GLOD4: variants seen among roughly 807,000 people sequenced by gnomAD.
The protein encoded by GLOD4 is glyoxalase domain containing 4.
In GLOD4, 44 loss-of-function variants were observed where a neutral mutation model predicts 39.1. The ratio of observed to expected loss-of-function variants is 1.13; its 90% CI spans 0.88 to 1.45. The LOEUF (loss-of-function observed/expected upper bound fraction) is 1.45, where lower values mean the gene tolerates loss of function less well. GLOD4 is among the 40% of genes most tolerant of loss of function. The pLI, the probability that GLOD4 is intolerant of heterozygous loss-of-function variation, is 0.00. For synonymous variants in GLOD4, 145 were observed against 135.0 expected, an observed-to-expected ratio of 1.07 and a Z score of -0.52; for missense variants, 405 against 366.4, an observed-to-expected ratio of 1.11 and a Z score of -0.86.
intron 8 of GLOD4, among the ~76,000 whole-genome samples, chr17:761,274 G>C (rs373371056): frequency 3.3e-5 from 5 of 152,172 alleles, no homozygotes; most frequent in African/African-American, 1.2e-4. Flanking sequence ...TTATTATTTA[G>C]AAACAGTGAA....
At chr17:768,444 A>G (rs4968111) in intron 8 of GLOD4, among the ~76,000 whole-genome samples, 16,511 of 110,570 alleles carry the variant, frequency 0.15, no homozygotes, top group Non-Finnish European at 0.2. Flanking sequence ...GAGAGGACAT[A>G]AGAGGGAGAA....
At position 762,559 on chromosome 17, in the gene GLOD4, C is replaced by T. The variant is rs555047032; in HGVS notation, c.832-2321G>A. Reference sequence around the variant, plus strand: ...ATTTCATCACCATCCAGGCCCCGGCCGGCACCTACTCAGTGCGTGATCTTC... The same window carrying T: ...ATTTCATCACCATCCAGGCCCCGGCTGGCACCTACTCAGTGCGTGATCTTC... On this transcript the variant is annotated intron_variant, in intron 8 of 8. Transcript: ENST00000301329. Among the ~76,000 whole-genome samples, 4 of 146,256 alleles carry T rather than the reference C, an allele frequency of 2.7e-5. No individual in the cohort carries two copies. The South Asian group carries it at 6.7e-4, about 25-fold the overall frequency.
At chr17:775,245 G>A (rs1014809574) in intron 4 of GLOD4, among the ~76,000 whole-genome samples, 19 of 151,650 alleles carry the variant, frequency 1.3e-4, no homozygotes, top group Non-Finnish European at 1.9e-4. Flanking sequence ...CACTCCAGCC[G>A]GACTGACAGA....
chr17:774,524 A>G (rs1225560091), intron 4 of GLOD4, among the ~76,000 whole-genome samples: 1 of 152,238 alleles, frequency 6.6e-6, no homozygotes, highest in East Asian at 1.9e-4. Flanking sequence ...CAACAAAACA[A>G]ACCCTGCAAA....
chr17:775,777 G>C lies in GLOD4; in HGVS notation c.404C>G (p.Ser135Ter). Residue 135 changes from serine (S) to a stop codon, truncating the protein, a stop_gained and splice_region_variant, in exon 4 of 9, where the codon TCA (serine) becomes TGA (stop). Transcript: ENST00000301329. LOFTEE classifies it high-confidence loss of function. ...TTTACTGGTTCTGGTATAATTACCT[G>C]ACTGAGGCAGACTGCGATTCTGCAA... ...FYLQNRSLPQ[S>*]DPVLKVTLAV... 6.2e-7 allele frequency: 1 copy of C among 1,613,364 alleles called. No individual in the cohort carries two copies. The highest frequency in any genetic ancestry group is 1.1e-5 in the South Asian group (1 of 91,032).
chr17:775,906 G>A lies in GLOD4; in HGVS notation c.275C>T (p.Ala92Val). ...LGNDFMGITL[A>V]SSQAVSNARK... ...GGCGTTGCTGACAGCCTGGCTAGAA[G>A]CGAGCGTGATTCCCTACAACAAACA... is the stretch of plus-strand genomic sequence containing the variant. Residue 92 changes from alanine to valine, a missense_variant, in exon 4 of 9, where the codon GCT becomes GTT. Ala to Val is a moderately conservative substitution (Grantham distance 64, BLOSUM62 0). Coordinates refer to ENST00000301329, the MANE Select transcript of GLOD4 (RefSeq NM_016080.4). 6.2e-7 allele frequency: 1 copy of A among 1,613,382 alleles called. No individual in the cohort carries two copies. Among genetic ancestry groups the A allele is most frequent in the Non-Finnish European group, 8.5e-7 (1 of 1,179,284 alleles).
chr17:781,476 A>T (rs140914225), intron 1 of GLOD4, among the ~76,000 whole-genome samples: 17 of 152,320 alleles, frequency 1.1e-4, no homozygotes, highest in South Asian at 8.3e-4. Flanking sequence ...CAGATATTTT[A>T]AAAATGACCT....
upstream of GLOD4, among the ~76,000 whole-genome samples, chr17:783,915 C>A (rs563758604): frequency 6.6e-6 from 1 of 152,084 alleles, no homozygotes; most frequent in Non-Finnish European, 1.5e-5. Flanking sequence ...ATTAAGAAAG[C>A]GTTTACTGAA....
At chr17:762,043 G>C (rs1905548462) in intron 8 of GLOD4, among the ~76,000 whole-genome samples, 1 of 152,214 alleles carries the variant, frequency 6.6e-6, no homozygotes, top group African/African-American at 2.4e-5. Context: ...GCAAGAGAGA[G>C]CTATCGGATT....
intron 8 of GLOD4, among the ~76,000 whole-genome samples, chr17:769,177 G>GA (rs1907413578): frequency 6.6e-6 from 1 of 152,108 alleles, no homozygotes; most frequent in Non-Finnish European, 1.5e-5. Context: ...GAGCTGAGGG[G>GA]AACGGATGGA....
chr17:760,260 T>A, intron 8 of GLOD4, 22 bp from the exon 9 acceptor site: 1 of 1,342,094 alleles, frequency 7.5e-7, no homozygotes, highest in Non-Finnish European at 1.1e-6. Flanking sequence ...AAATAGAATA[T>A]ACACTGACTC....
chr17:777,143 G>A (rs1291387079), intron 2 of GLOD4, 155 bp from the exon 3 acceptor site: 3 of 664,338 alleles, frequency 4.5e-6, no homozygotes, highest in Admixed American at 2.5e-5. Flanking sequence ...GAAAGCAGCT[G>A]TGGGCAGTGC....
At position 766,289 on chromosome 17, in the gene GLOD4, C is replaced by A. The variant is rs569361411; in HGVS notation, c.831+3580G>T. Among the ~76,000 whole-genome samples, 48 of 143,796 alleles carry A rather than the reference C, an allele frequency of 3.3e-4. No individual in the cohort carries two copies. The South Asian group carries it at 9.4e-3, about 28-fold the overall frequency. 94.3% of individuals were successfully genotyped at this position (143,796 alleles called of 152,430 possible). On this transcript the variant is annotated intron_variant, in intron 8 of 8. Coordinates refer to ENST00000301329, the MANE Select transcript of GLOD4 (RefSeq NM_016080.4). Reference sequence around the variant, plus strand: ...CTCCAGCCTCGGTGACAGAGAGAGACCCCGTCTTAAAAAAAAAAAAATGGG... The same window carrying A: ...CTCCAGCCTCGGTGACAGAGAGAGAACCCGTCTTAAAAAAAAAAAAATGGG...
chr17:764,631 T>C (rs141237054), intron 8 of GLOD4: 19 of 152,160 alleles, frequency 1.2e-4, no homozygotes, highest in Admixed American at 9.8e-4. Flanking sequence ...AATGAGCAAA[T>C]TGTTATATTC....
Position 778,929 on chromosome 17 carries a change from C to G in GLOD4, c.91-185G>C, listed in dbSNP as rs1325495435. The G allele has an allele frequency of 5.2e-6, 3 of 581,804 alleles. No homozygotes were observed. The South Asian group carries it at 6.6e-5, about 13-fold the overall frequency. 36.0% of individuals were successfully genotyped at this position (581,804 alleles called of 1,614,324 possible). On this transcript the variant is annotated intron_variant, in intron 1 of 8. Transcript: ENST00000301329. Reference sequence around the variant, plus strand: ...AGTGGAAGGACGAACAGCTTGACACCAAGGGTCAGGCTACCAAATCAGTTG... The same window carrying G: ...AGTGGAAGGACGAACAGCTTGACACGAAGGGTCAGGCTACCAAATCAGTTG...
At chr17:771,114 A>T in intron 5 of GLOD4, 1 of 393,444 alleles carries the variant, frequency 2.5e-6, no homozygotes, top group East Asian at 4.6e-5. Context: ...TTCTGAAGAG[A>T]TATATCCCCA....
upstream of GLOD4, among the ~76,000 whole-genome samples, chr17:783,861 C>G (rs368741958): frequency 3.3e-5 from 5 of 152,194 alleles, no homozygotes; most frequent in African/African-American, 1.2e-4. Context: ...CTCAAACCTT[C>G]TATTTTTTAG....
At position 771,382 on chromosome 17, in the gene GLOD4, T is replaced by C; in HGVS notation, c.486A>G (p.Lys162=). 1 of 1,600,466 alleles carries C rather than the reference T, an allele frequency of 6.2e-7. No homozygotes were observed. Among genetic ancestry groups the C allele is most frequent in the Non-Finnish European group, 8.6e-7 (1 of 1,168,958 alleles). ...LNYWCNLLGM[K]IYEKDEEKQR... ...GCTTTTCTTCATCTTTTTCATAAAT[T>C]TTCATTCCCAGTAGATTACACCAGT... Residue 162 remains lysine, a synonymous_variant, in exon 5 of 9, where the codon AAA becomes AAG. Transcript: ENST00000301329.
At chr17:782,361 G>GC (rs747314515), upstream of GLOD4, 234 of 1,613,142 alleles carry the variant, frequency 1.5e-4, no homozygotes, top group Middle Eastern at 4.4e-3. Context: ...TCGTGACGCA[G>GC]CCCGGGTCTC....
Sources: allele counts gnomAD v4.1 joint callset (sites outside exome capture counted in the v4.1 genomes callset), GRCh38; gene constraint gnomAD v4.1.1; transcripts MANE v1.5; gene names NCBI Gene and HGNC (gene_info 2026-07-23, HGNC 2026-07-21).